The following PSD4 variants were observed in gnomAD, a reference collection of about 807,000 sequenced individuals.
The protein encoded by PSD4 is PH and SEC7 domain-containing protein 4.
A neutral mutation model predicts 112.5 loss-of-function variants in PSD4; 59 were observed. That is an observed-to-expected ratio of 0.52 (90% confidence interval 0.43 to 0.65). PSD4 has a LOEUF of 0.65. Ranked by LOEUF, PSD4 falls within the 30% of genes least tolerant of loss-of-function variation. The probability of loss-of-function intolerance (pLI) is 0.00; values close to 1 mark genes in which losing one functional copy is unlikely to be tolerated. For missense variants in PSD4, 1,267 were observed against 1,352.6 expected (o/e 0.94, Z 0.99); for synonymous variants, 533 against 540.0 (o/e 0.99, Z 0.18).
rs762121878 is a variant in PSD4, at chr2:113,182,832, A to G, written c.376A>G (p.Arg126Gly). The change falls in exon 2 of 17, where the codon AGG becomes GGG. Residue 126 changes from arginine (R) to glycine (G), a missense_variant. Transcript: ENST00000245796. The part of the protein sequence containing the change: ...LGSPSAQREH[R>G]QNTASPGSPV... ...GAGCCCCTCTGCCCAGAGGGAGCAC[A>G]GGCAGAACACAGCATCACCAGGGTC... 1 of 1,613,192 alleles carries G rather than the reference A, an allele frequency of 6.2e-7. No individual in the cohort carries two copies. Among genetic ancestry groups the G allele is most frequent in the Non-Finnish European group, 8.5e-7 (1 of 1,179,398 alleles).
In PSD4 at chr2:113,193,113, T is replaced by G. The variant is rs1422450342; in HGVS notation, c.1904T>G (p.Leu635Arg). The G allele has an allele frequency of 6.2e-7, 1 of 1,613,972 alleles. No homozygotes were observed. Among genetic ancestry groups the G allele is most frequent in the Admixed American group, 1.7e-5 (1 of 60,000 alleles). Residue 635 changes from leucine to arginine, a missense_variant, in exon 7 of 17, where the codon CTG becomes CGG. Transcript: ENST00000245796. The stretch of plus-strand genomic sequence containing the variant: ...TTCTTCCAGTTTGGAGGCCAGAGTC[T>G]GGACCGAGCCCTCCGGTAATGTCTT... The part of the protein sequence containing the change: ...LSFFQFGGQS[L>R]DRALRSFLQA...
At chr2:113,176,874 T>G (rs4848316) in intron 1 of PSD4, among the ~76,000 whole-genome samples, 2 of 152,002 alleles carry the variant, frequency 1.3e-5, no homozygotes, top group Admixed American at 1.3e-4. Flanking sequence ...TCCACCCTTC[T>G]GAGATCAGAC....
chr2:113,174,117 G>C (rs1687899752), intron 1 of PSD4, 63 bp downstream of exon 1: 1 of 153,104 alleles, frequency 6.5e-6, no homozygotes, highest in African/African-American at 2.4e-5. Context: ...GGAATGTGGA[G>C]AGTCACATGT....
At chr2:113,198,180 T>G (rs1470652283) in intron 14 of PSD4, 2 of 430,804 alleles carry the variant, frequency 4.6e-6, no homozygotes, top group Non-Finnish European at 8.2e-6. Flanking sequence ...GCCTCCCAGT[T>G]CAGAACACAG....
chr2:113,183,265 C>G lies in PSD4; in HGVS notation c.809C>G (p.Ala270Gly). 1 of 1,614,100 alleles carries G rather than the reference C, an allele frequency of 6.2e-7. No homozygotes were observed. The highest frequency in any genetic ancestry group is 8.5e-7 in the Non-Finnish European group (1 of 1,179,970). ...TCTGGAGAGTGCTTTTCCTGGGGGG[C>G]TTCAGACTCCCATGCAGGTGTGAGG... is the stretch of plus-strand genomic sequence containing the variant. ...SASGECFSWG[A>G]SDSHAGVRTG... The change falls in exon 2 of 17, where the codon GCT (alanine) becomes GGT (glycine). Residue 270 changes from alanine (A) to glycine (G), a missense_variant. Physicochemically the swap from Ala to Gly is moderately conservative, Grantham distance 60. Coordinates refer to ENST00000245796, the MANE Select transcript of PSD4 (RefSeq NM_012455.3).
chr2:113,188,686 T>C (rs45583034), intron 5 of PSD4, among the ~76,000 whole-genome samples: 3,069 of 152,094 alleles, frequency 0.02, 47 homozygotes, highest in South Asian at 0.035. Flanking sequence ...GTTCAGGCCA[T>C]TCTCCTGCCT....
chr2:113,198,922 G>A lies in PSD4; in HGVS notation c.2769+38G>A, dbSNP rs1383978914. ...GGAAGGGGTGGGGTCCGGCGGAACT[G>A]GGAATGTGCACCTGGAGCCCCAGGA... is the stretch of plus-strand genomic sequence containing the variant. On this transcript the variant is annotated intron_variant, in intron 15 of 16. Coordinates refer to ENST00000245796, the MANE Select transcript of PSD4 (RefSeq NM_012455.3). The A allele has an allele frequency of 9.7e-6, 15 of 1,544,630 alleles. No individual in the cohort carries two copies. In the South Asian group the frequency reaches 1.5e-4, roughly 16 times the overall value.
Position 113,186,254 on chromosome 2 carries a change from C to CAGTA in PSD4, c.1628+3_1628+6dup. The CAGTA allele has an allele frequency of 6.4e-7, 1 of 1,571,726 alleles. No homozygotes were observed. Among genetic ancestry groups the CAGTA allele is most frequent in the East Asian group, 2.3e-5 (1 of 44,420 alleles). The stretch of plus-strand genomic sequence containing the variant: ...TGACATTCACCTGACTTCTGCAGAA[C>CAGTA]AGTAAGTCTCAGACTAACTGGCTCT... On this transcript the variant is annotated stop_gained and frameshift_variant and splice_region_variant, in exon 5 of 17. Coordinates refer to ENST00000245796, the MANE Select transcript of PSD4 (RefSeq NM_012455.3). LOFTEE classifies it high-confidence loss of function.
At chr2:113,174,847 C>A (rs1321619434) in intron 1 of PSD4, among the ~76,000 whole-genome samples, 1 of 152,178 alleles carries the variant, frequency 6.6e-6, no homozygotes, top group Non-Finnish European at 1.5e-5. Context: ...ATTCCAGGGC[C>A]TAAAATTCCA....
intron 5 of PSD4, among the ~76,000 whole-genome samples, chr2:113,191,203 C>T (rs1009708018): frequency 1.3e-5 from 2 of 152,186 alleles, no homozygotes; most frequent in African/African-American, 4.8e-5. Flanking sequence ...TCCCATTAAC[C>T]CTGACCCAGC....
At chr2:113,185,463 G>A (rs1188731503) in intron 4 of PSD4, 23 bp downstream of exon 4, 1 of 1,613,968 alleles carries the variant, frequency 6.2e-7, no homozygotes, top group Non-Finnish European at 8.5e-7. Flanking sequence ...AAGGGGGTTT[G>A]GGAAATTGGG....
Position 113,182,543 on chromosome 2 carries a change from A to G in PSD4, c.87A>G (p.Pro29=), listed in dbSNP as rs764970350. The G allele has an allele frequency of 1.2e-6, 2 of 1,614,168 alleles. No individual in the cohort carries two copies. The highest frequency in any genetic ancestry group is 1.7e-5 in the Admixed American group (1 of 60,016). ...TGGGAGACAGCCTGGAGCCCCACCC[A>G]GGAGAGTGCCCAAGGGAAACGTGCA... is the stretch of plus-strand genomic sequence containing the variant. ...LYLGDSLEPH[P]GECPRETCSH... is the part of the protein sequence containing the mutation. Residue 29 remains proline, a synonymous_variant, in exon 2 of 17, where the codon CCA becomes CCG. Transcript: ENST00000245796.
In PSD4 at chr2:113,202,161, G is replaced by A. The variant is rs1688792820; in HGVS notation, c.*746G>A. Reference sequence around the variant, plus strand: ...TGCTCATCAACAGAGCAGAGCTGATGGCATGAGTGAGGGCTGGGCGGGGTG... The same window carrying A: ...TGCTCATCAACAGAGCAGAGCTGATAGCATGAGTGAGGGCTGGGCGGGGTG... On this transcript the variant is annotated 3_prime_UTR_variant, in exon 17 of 17. Transcript: ENST00000245796. 6.6e-6 allele frequency: 1 copy of A among 152,056 alleles called. No individual in the cohort carries two copies. The highest frequency in any genetic ancestry group is 1.5e-5 in the Non-Finnish European group (1 of 68,028). 9.4% of individuals were successfully genotyped at this position (152,056 alleles called of 1,614,324 possible).
In PSD4 at chr2:113,209,087, A is replaced by C. The variant is rs1219511426; in HGVS notation, c.*7672A>C. Reference sequence around the variant, plus strand: ...AGGTGGGTAATTTTCCTTAGAGTCAAGTACTAGAAAAAGTTTTGCTTCTTC... The same window carrying C: ...AGGTGGGTAATTTTCCTTAGAGTCACGTACTAGAAAAAGTTTTGCTTCTTC... On this transcript the variant is annotated 3_prime_UTR_variant, in exon 17 of 17. Coordinates refer to ENST00000245796, the MANE Select transcript of PSD4 (RefSeq NM_012455.3). 2.6e-5 allele frequency: 4 copies of C among 152,206 alleles called. No individual in the cohort carries two copies. Among genetic ancestry groups the C allele is most frequent in the Non-Finnish European group, 4.4e-5 (3 of 68,032 alleles). The allele number at this position is 152,206 out of a possible 1,614,324, so 9.4% of individuals were successfully genotyped here. A position where few individuals can be genotyped will look rare whatever the true frequency, so the allele number is the denominator to read the frequency against.
intron 1 of PSD4, among the ~76,000 whole-genome samples, chr2:113,180,434 C>T (rs1302682597): frequency 6.6e-6 from 1 of 152,206 alleles, no homozygotes; most frequent in East Asian, 1.9e-4. Context: ...CTGGTTAGGG[C>T]CCTGCATGCC....
In PSD4 at chr2:113,196,174, G is replaced by C. The variant is rs759198668; in HGVS notation, c.2253G>C (p.Glu751Asp). ...ATGAAGAAGACACAGCCAGACCTGA[G>C]AAGGCCCAGCCGTCCCTGCCAGCTG... ...AVDEEDTARP[E>D]KAQPSLPAGK... is the part of the protein sequence containing the mutation. Residue 751 changes from glutamate to aspartate, a missense_variant, in exon 12 of 17, where the codon GAG becomes GAC. Around this residue, in one of 2 missense-constraint regions of PSD4, gnomAD observed 544 missense variants for 648.6 expected, o/e 0.84. Coordinates refer to ENST00000245796, the MANE Select transcript of PSD4 (RefSeq NM_012455.3). The C allele has an allele frequency of 8.1e-6, 13 of 1,613,338 alleles. No homozygotes were observed. In the Admixed American group the frequency reaches 1.0e-4, roughly 12 times the overall value.
intron 1 of PSD4, among the ~76,000 whole-genome samples, chr2:113,181,873 G>A (rs1042728063): frequency 6.6e-6 from 1 of 152,222 alleles, no homozygotes; most frequent in African/African-American, 2.4e-5. Context: ...GTGGGTGCCT[G>A]CTTCTTCCAT....
Position 113,184,948 on chromosome 2 carries a change from A to T in PSD4, c.1057-9A>T. The T allele has an allele frequency of 6.2e-7, 1 of 1,613,772 alleles. No homozygotes were observed. Among genetic ancestry groups the T allele is most frequent in the Non-Finnish European group, 8.5e-7 (1 of 1,179,930 alleles). On this transcript the variant is annotated splice_polypyrimidine_tract_variant and intron_variant, in intron 2 of 16. Coordinates refer to ENST00000245796, the MANE Select transcript of PSD4 (RefSeq NM_012455.3). ...CCTTCTCTCCTCTGTCTCTCTCTCG[A>T]CTTCTCAGGGAGATAGGCTTGGTCC...
rs770077965 is a variant in PSD4, at chr2:113,182,514, T to C, written c.58T>C (p.Tyr20His). ...CCAGCCCATGGAAATTCTCAACCTG[T>C]ACTTGGGAGACAGCCTGGAGCCCCA... ...HPQPMEILNL[Y>H]LGDSLEPHPG... The change falls in exon 2 of 17, where the codon TAC becomes CAC. Residue 20 changes from tyrosine to histidine, a missense_variant. Around this residue, in one of 2 missense-constraint regions of PSD4, gnomAD observed 723 missense variants for 704.0 expected, o/e 1.03. Coordinates refer to ENST00000245796, the MANE Select transcript of PSD4 (RefSeq NM_012455.3). The C allele has an allele frequency of 2.5e-6, 4 of 1,614,134 alleles. No individual in the cohort carries two copies. The highest frequency in any genetic ancestry group is 3.4e-6 in the Non-Finnish European group (4 of 1,180,012).
Sources: gnomAD v4.1 joint callset for allele counts (sites outside exome capture counted in the v4.1 genomes callset) on GRCh38, gnomAD v4.1.1 for gene constraint, gnomAD v4.1.1 regional missense constraint, MANE v1.5 for transcripts, NCBI Gene and HGNC (gene_info 2026-07-23, HGNC 2026-07-21) for gene names.